Variants in FBLN5 observed in about 807,000 individuals in gnomAD.
FBLN5 encodes fibulin-5.
A neutral mutation model predicts 61.6 loss-of-function variants in FBLN5; 24 were observed. The observed-to-expected ratio is 0.39, with a 90% CI of 0.28 to 0.55. The LOEUF (loss-of-function observed/expected upper bound fraction) is 0.55. Among genes scored for constraint, FBLN5 ranks in the 20% least tolerant of loss-of-function variants. FBLN5 has a pLI of 0.65. For synonymous variants in FBLN5, 213 were observed against 219.8 expected (o/e 0.97, Z 0.27); for missense variants, 470 against 594.1 (o/e 0.79, Z 2.17).
intron 4 of FBLN5, among the ~76,000 whole-genome samples, chr14:91,908,764 C>T (rs1030850649): frequency 6.6e-6 from 1 of 152,150 alleles, no homozygotes; most frequent in African/African-American, 2.4e-5. Context: ...GGGAGGAACC[C>T]AGAAATTGAT....
chr14:91,919,279 C>T (rs1040038911), intron 4 of FBLN5, among the ~76,000 whole-genome samples: 8 of 147,112 alleles, frequency 5.4e-5, no homozygotes, highest in South Asian at 2.2e-4. Flanking sequence ...TGCAGTCAGC[C>T]GAGATCACAC....
At position 91,931,260 on chromosome 14, in the gene FBLN5, C is replaced by A. The variant is rs143502523; in HGVS notation, c.379+5687G>T. On this transcript the variant is annotated intron_variant, in intron 4 of 10. Coordinates refer to ENST00000342058, the MANE Select transcript of FBLN5 (RefSeq NM_006329.4). ...ATCTCAGGAACTCATCAGAGGCCGT[C>A]TTGAATTTCAGCTGCTTGTGCTTGT... Among the ~76,000 whole-genome samples the A allele has an allele frequency of 1.6e-4, 24 of 152,302 alleles. 1 individual carries two copies. The South Asian group carries it at 5.0e-3, about 32-fold the overall frequency.
intron 1 of FBLN5, among the ~76,000 whole-genome samples, chr14:91,944,313 C>T (rs770281489): frequency 2.0e-5 from 3 of 152,152 alleles, no homozygotes; most frequent in Non-Finnish European, 4.4e-5. Flanking sequence ...AAAGAGCAAG[C>T]GTTAGGGAGG....
chr14:91,919,837 C>T (rs545977278), intron 4 of FBLN5, among the ~76,000 whole-genome samples: 52 of 152,312 alleles, frequency 3.4e-4, no homozygotes, highest in African/African-American at 1.2e-3. Context: ...GCCAGCAGAA[C>T]GAGGAGACAA....
chr14:91,886,154 A>G (rs1889715842), intron 7 of FBLN5, among the ~76,000 whole-genome samples: 1 of 152,254 alleles, frequency 6.6e-6, no homozygotes, highest in South Asian at 2.1e-4. Context: ...TGCAGGACAG[A>G]AAGATTTTTC....
intron 4 of FBLN5, among the ~76,000 whole-genome samples, chr14:91,925,257 G>A (rs960653695): frequency 6.6e-6 from 1 of 152,222 alleles, no homozygotes; most frequent in African/African-American, 2.4e-5. Context: ...GTGGATGCTG[G>A]CTGCCTGCAG....
intron 4 of FBLN5, among the ~76,000 whole-genome samples, chr14:91,903,732 C>G (rs1890557143): frequency 6.6e-6 from 1 of 152,148 alleles, no homozygotes; most frequent in South Asian, 2.1e-4. Context: ...CACAGTCATC[C>G]TTAAATCTTC....
At chr14:91,925,458 C>T (rs559240840) in intron 4 of FBLN5, among the ~76,000 whole-genome samples, 1 of 152,348 alleles carries the variant, frequency 6.6e-6, no homozygotes, top group African/African-American at 2.4e-5. Context: ...GCATGCTCCT[C>T]TGTTTCCAAG....
intron 4 of FBLN5, among the ~76,000 whole-genome samples, chr14:91,918,650 C>T (rs1299287490): frequency 6.6e-6 from 1 of 152,106 alleles, no homozygotes; most frequent in Non-Finnish European, 1.5e-5. Context: ...TCTACGAGTG[C>T]ACAAAATCTA....
intron 4 of FBLN5, among the ~76,000 whole-genome samples, chr14:91,932,886 G>T (rs1463363523): frequency 6.6e-6 from 1 of 152,222 alleles, no homozygotes; most frequent in African/African-American, 2.4e-5. Flanking sequence ...TGCAGAATTT[G>T]CATGGATCTG....
chr14:91,938,571 A>C (rs1055562976), intron 3 of FBLN5: 2 of 152,370 alleles, frequency 1.3e-5, no homozygotes, highest in African/African-American at 4.8e-5. Flanking sequence ...TGTGCCAGCC[A>C]ACAATTTCTA....
At chr14:91,875,635 G>C (rs899595912) in intron 10 of FBLN5, among the ~76,000 whole-genome samples, 2 of 152,164 alleles carry the variant, frequency 1.3e-5, no homozygotes, top group Non-Finnish European at 2.9e-5. Context: ...TCGGGGAGGA[G>C]CCTCACTCTT....
chr14:91,932,714 C>T (rs922742379), intron 4 of FBLN5, among the ~76,000 whole-genome samples: 32 of 152,244 alleles, frequency 2.1e-4, no homozygotes, highest in Non-Finnish European at 2.5e-4. Flanking sequence ...ATATAGGGGA[C>T]GAAGGAATAA....
intron 4 of FBLN5, among the ~76,000 whole-genome samples, chr14:91,915,043 C>T (rs1891128471): frequency 6.6e-6 from 1 of 151,824 alleles, no homozygotes; most frequent in African/African-American, 2.4e-5. Context: ...ACCTGTAATC[C>T]CAGCTACTTA....
Position 91,943,035 on chromosome 14 carries a change from C to T in FBLN5, c.18-74G>A. ...TAGGGGAGTGTGGGTCGCATGCGGC[C>T]CGTGACGTGTAACGGTGATATCACC... On this transcript the variant is annotated intron_variant, in intron 1 of 10. Transcript: ENST00000342058. The surrounding 1 kb of genome is among the most constrained non-coding windows in gnomAD (Gnocchi z 4.0). The T allele has an allele frequency of 1.0e-6, 1 of 969,826 alleles. No homozygotes were observed. 60.1% of individuals were successfully genotyped at this position (969,826 alleles called of 1,614,324 possible).
chr14:91,881,870 G>C (rs981581189), intron 8 of FBLN5, among the ~76,000 whole-genome samples: 12 of 151,582 alleles, frequency 7.9e-5, no homozygotes, highest in Non-Finnish European at 1.6e-4. Flanking sequence ...TAATATTTTG[G>C]ATATACTGCA....
chr14:91,920,054 G>A (rs528720323), intron 4 of FBLN5, among the ~76,000 whole-genome samples: 1 of 152,280 alleles, frequency 6.6e-6, no homozygotes, highest in African/African-American at 2.4e-5. Context: ...GGCTCTTGGG[G>A]CTTGACTTGG....
rs781641155 is a variant in FBLN5 at position 91,937,113 on chromosome 14, C to T, written c.213G>A (p.Arg71=). ...AGGGCCCTCGATACACAGGGTTTGTCCGGGGAATGCATAAATACCCGCCAT... is the reference window on the plus strand; with the variant it reads ...AGGGCCCTCGATACACAGGGTTTGTTCGGGGAATGCATAAATACCCGCCAT... ...NQNGGYLCIP[R]TNPVYRGPYS... is the part of the protein sequence containing the mutation. Residue 71 remains arginine, a synonymous_variant, in exon 4 of 11, where the codon CGG becomes CGA. Coordinates refer to ENST00000342058, the MANE Select transcript of FBLN5 (RefSeq NM_006329.4). 1.5e-5 allele frequency: 25 copies of T among 1,613,904 alleles called. No homozygotes were observed. The highest frequency in any genetic ancestry group is 2.0e-5 in the Non-Finnish European group (24 of 1,180,022).
intron 4 of FBLN5, among the ~76,000 whole-genome samples, chr14:91,903,418 G>T (rs1430753520): frequency 6.6e-6 from 1 of 152,140 alleles, no homozygotes; most frequent in Admixed American, 6.6e-5. Flanking sequence ...ATAACAAAAA[G>T]TACAAAAGAT....
Sources: allele counts gnomAD v4.1 joint callset (sites outside exome capture counted in the v4.1 genomes callset), GRCh38; gene constraint gnomAD v4.1.1; non-coding constraint Gnocchi (gnomAD v3.1); transcripts MANE v1.5; gene names NCBI Gene and HGNC (gene_info 2026-07-23, HGNC 2026-07-21).